RORA: variants seen among roughly 807,000 people sequenced by gnomAD.
RORA encodes the protein RAR related orphan receptor A.
A neutral mutation model predicts 69.5 loss-of-function variants in RORA; 7 were observed. That is an observed-to-expected ratio of 0.10 (90% CI 0.06 to 0.19). RORA has a LOEUF of 0.19. Ranked by LOEUF, RORA falls within the 10% of genes least tolerant of loss-of-function variation. The pLI, the probability that RORA is intolerant of heterozygous loss-of-function variation, is 1.00. For synonymous variants in RORA, 261 were observed against 240.8 expected (o/e 1.08, Z -0.78); for missense variants, 457 against 663.0 (o/e 0.69, Z 3.41).
At chr15:60,691,230 G>A (rs880626) in intron 1 of RORA, among the ~76,000 whole-genome samples, 45,995 of 151,900 alleles carry the variant, frequency 0.3, 7,606 homozygotes, top group East Asian at 0.5. Context: ...CTTCCCAGCC[G>A]GCTTATCCAC....
At chr15:60,961,443 G>A (rs1893411290) in intron 1 of RORA, among the ~76,000 whole-genome samples, 1 of 152,120 alleles carries the variant, frequency 6.6e-6, no homozygotes, top group South Asian at 2.1e-4. Context: ...GATAAAAAAA[G>A]GTAACAAGAA....
At chr15:61,124,678 A>C (rs1461511541) in intron 1 of RORA, among the ~76,000 whole-genome samples, 1 of 152,062 alleles carries the variant, frequency 6.6e-6, no homozygotes, top group Non-Finnish European at 1.5e-5. Context: ...TTGCTTTTCA[A>C]ATCCTGCCTG....
At chr15:61,076,033 C>T (rs945800476) in intron 1 of RORA, among the ~76,000 whole-genome samples, 3 of 152,170 alleles carry the variant, frequency 2.0e-5, no homozygotes, top group Admixed American at 6.5e-5. Flanking sequence ...GCTTAGTCCC[C>T]GCCCTCTAGC....
intron 1 of RORA, among the ~76,000 whole-genome samples, chr15:60,706,058 A>G (rs2140800489): frequency 6.6e-6 from 1 of 152,336 alleles, no homozygotes; most frequent in South Asian, 2.1e-4. Context: ...ACGCATAGTT[A>G]TTTAGGCTAG....
At chr15:60,929,534 T>G (rs1353979355) in intron 1 of RORA, among the ~76,000 whole-genome samples, 1 of 152,316 alleles carries the variant, frequency 6.6e-6, no homozygotes, top group African/African-American at 2.4e-5. Flanking sequence ...CTTTCTTCAG[T>G]TTTTACTACT....
rs1197333214 is a variant in RORA, at chr15:60,516,183, A to ATT, written c.283-1428_283-1427dup. ...TATTTATATATATATTTATATATAT[A>ATT]TTTATATATATATTTATATATATAT... On this transcript the variant is annotated intron_variant, in intron 3 of 10. Coordinates refer to ENST00000335670, the MANE Select transcript of RORA (RefSeq NM_134261.3). Among the ~76,000 whole-genome samples, 3 of 26,592 alleles carry ATT rather than the reference A, an allele frequency of 1.1e-4. 1 individual carries two copies. The highest frequency in any genetic ancestry group is 1.7e-3 in the South Asian group (2 of 1,168). The allele number at this position is 26,592 out of a possible 152,430, so 17.4% of individuals were successfully genotyped here. A position where few individuals can be genotyped will look rare whatever the true frequency, so the allele number is the denominator to read the frequency against.
At chr15:61,099,516 G>A (rs1044659681) in intron 1 of RORA, among the ~76,000 whole-genome samples, 1 of 152,320 alleles carries the variant, frequency 6.6e-6, no homozygotes, top group East Asian at 1.9e-4. Flanking sequence ...ACACATCACA[G>A]GCATCCTTGA....
chr15:60,927,592 G>C (rs1892254120), intron 1 of RORA, among the ~76,000 whole-genome samples: 1 of 152,068 alleles, frequency 6.6e-6, no homozygotes. Flanking sequence ...AGCCAACATG[G>C]TGAAACCCCA....
chr15:60,929,561 A>G (rs115052194), intron 1 of RORA, among the ~76,000 whole-genome samples: 1 of 152,368 alleles, frequency 6.6e-6, no homozygotes, highest in African/African-American at 2.4e-5. Context: ...AAGAACAGCC[A>G]GGACTTTACT....
chr15:61,075,042 G>A (rs563887215), intron 1 of RORA, among the ~76,000 whole-genome samples: 45 of 151,354 alleles, frequency 3.0e-4, no homozygotes, highest in South Asian at 8.4e-4. Flanking sequence ...AGCAGGGATC[G>A]TGGCACTGCA....
chr15:60,781,254 TGCCC>T lies in RORA; in HGVS notation c.167-102572_167-102569del, dbSNP rs1172102414. On this transcript the variant is annotated intron_variant, in intron 1 of 10. Coordinates refer to ENST00000335670, the MANE Select transcript of RORA (RefSeq NM_134261.3). ...CAGGTGAGAACAAACTCATCTCTGGTGCCCGCAGCTTTCAGGGTTGGTGTTGAGG... is the reference window on the plus strand; with the variant it reads ...CAGGTGAGAACAAACTCATCTCTGGTGCAGCTTTCAGGGTTGGTGTTGAGG... 9.8e-5 allele frequency among the ~76,000 whole-genome samples: 15 copies of T among 152,294 alleles called. No individual in the cohort carries two copies. The South Asian group carries it at 2.9e-3, about 29-fold the overall frequency.
At chr15:60,948,964 C>T (rs889700559) in intron 1 of RORA, among the ~76,000 whole-genome samples, 3 of 152,194 alleles carry the variant, frequency 2.0e-5, no homozygotes, top group Admixed American at 6.5e-5. Context: ...AGGATCTGAA[C>T]AGGCAAACAG....
intron 1 of RORA, among the ~76,000 whole-genome samples, chr15:61,015,481 A>AT (rs1895247666): frequency 6.6e-6 from 1 of 152,150 alleles, no homozygotes; most frequent in Non-Finnish European, 1.5e-5. Flanking sequence ...ACACAAAAAA[A>AT]AATGTTTGGA....
At position 60,961,480 on chromosome 15, in the gene RORA, C is replaced by T. The variant is rs569671869; in HGVS notation, c.166+267573G>A. On this transcript the variant is annotated intron_variant, in intron 1 of 10. Coordinates refer to ENST00000335670, the MANE Select transcript of RORA (RefSeq NM_134261.3). ...AAAATGTTTATCACCCATTGATATA[C>T]GTGACAGAGACTTAAAAGTCAAGTG... 2.0e-5 allele frequency among the ~76,000 whole-genome samples: 3 copies of T among 152,284 alleles called. No individual in the cohort carries two copies. The South Asian group carries it at 6.2e-4, about 32-fold the overall frequency.
At chr15:61,076,547 C>G (rs534593076) in intron 1 of RORA, among the ~76,000 whole-genome samples, 6 of 152,306 alleles carry the variant, frequency 3.9e-5, no homozygotes, top group African/African-American at 1.2e-4. Flanking sequence ...GATAAGACTA[C>G]CATATTCAGA....
chr15:61,105,000 C>CG (rs888686105), intron 1 of RORA, among the ~76,000 whole-genome samples: 1 of 143,388 alleles, frequency 7.0e-6, no homozygotes, highest in Non-Finnish European at 1.5e-5. Context: ...GAGGCGCCCC[C>CG]CCCACCGCCC....
chr15:61,140,006 G>C (rs947144738), intron 1 of RORA, among the ~76,000 whole-genome samples: 42 of 152,258 alleles, frequency 2.8e-4, no homozygotes, highest in African/African-American at 1.0e-3. Flanking sequence ...GCACTTCCCA[G>C]ACTTCATTTG....
At chr15:60,867,056 G>T (rs924059064) in intron 1 of RORA, among the ~76,000 whole-genome samples, 3 of 152,050 alleles carry the variant, frequency 2.0e-5, no homozygotes, top group African/African-American at 7.2e-5. Context: ...AGTAGAGACG[G>T]GGTTTCGCCA....
At chr15:60,641,148 C>T (rs902617406) in intron 2 of RORA, among the ~76,000 whole-genome samples, 3 of 152,066 alleles carry the variant, frequency 2.0e-5, no homozygotes, top group South Asian at 2.1e-4. Flanking sequence ...GATGGGGTCT[C>T]GCCACATTGC....
Sources: gnomAD v4.1 joint callset for allele counts (sites outside exome capture counted in the v4.1 genomes callset) on GRCh38, gnomAD v4.1.1 for gene constraint, MANE v1.5 for transcripts, NCBI Gene and HGNC (gene_info 2026-07-23, HGNC 2026-07-21) for gene names.